The following DNAH8 variants were observed in gnomAD, a reference collection of about 807,000 sequenced individuals.
DNAH8 encodes the protein dynein axonemal heavy chain 8, also known as axonemal beta dynein heavy chain 8.
Under a neutral mutation model 562.1 loss-of-function variants are expected in DNAH8, and 382 were observed. The observed-to-expected ratio is 0.68, with a 90% confidence interval of 0.63 to 0.74. The LOEUF (loss-of-function observed/expected upper bound fraction) is 0.74, where lower values mean the gene tolerates loss of function less well. Among genes scored for constraint, DNAH8 ranks in the 30% least tolerant of loss-of-function variants. The probability of loss-of-function intolerance (pLI) is 0.00; values close to 1 mark genes in which losing one functional copy is unlikely to be tolerated. For synonymous variants in DNAH8, 1,881 were observed against 1,919.4 expected, an observed-to-expected ratio of 0.98 and a Z score of 0.52; for missense variants, 5,203 against 5,620.4, an observed-to-expected ratio of 0.93 and a Z score of 2.37.
At position 38,791,658 on chromosome 6, in the gene DNAH8, T is replaced by C. The variant is rs1251689327; in HGVS notation, c.2885T>C (p.Met962Thr). 2 of 1,613,808 alleles carry C rather than the reference T, an allele frequency of 1.2e-6. No individual in the cohort carries two copies. Among genetic ancestry groups the C allele is most frequent in the Middle Eastern group, 1.7e-4 (1 of 6,060 alleles). ...AGTGGTGCTACCAAAGTAGAAGATA[T>C]GTTGACCCTCAATGAGGTATGCATT... ...PESGATKVED[M>T]LTLNETYTKE... The change falls in exon 21 of 93, where the codon ATG becomes ACG. Residue 962 changes from methionine (M) to threonine (T), a missense_variant. Met to Thr is a moderately conservative substitution (Grantham distance 81). Transcript: ENST00000327475.
intron 14 of DNAH8, among the ~76,000 whole-genome samples, chr6:38,778,954 C>T (rs2038201): frequency 0.12 from 18,526 of 152,190 alleles, 1,387 homozygotes; most frequent in Admixed American, 0.22. Flanking sequence ...GTTGCTACAA[C>T]CAAGCCAGAT....
intron 71 of DNAH8, 140 bp from the exon 72 acceptor site, chr6:38,922,918 T>G (rs955179853): frequency 4.9e-6 from 4 of 815,638 alleles, no homozygotes; most frequent in Non-Finnish European, 7.4e-6. Context: ...ATGTGAAGTT[T>G]CAATGCACAC....
intron 82 of DNAH8, among the ~76,000 whole-genome samples, chr6:38,969,546 G>A (rs922294605): frequency 6.6e-6 from 1 of 152,156 alleles, no homozygotes; most frequent in African/African-American, 2.4e-5. Context: ...CGTCAGGAAA[G>A]TCTTGCTGAC....
chr6:38,883,149 T>G lies in DNAH8; in HGVS notation c.8001+97T>G, dbSNP rs968251444. 2.9e-6 allele frequency: 4 copies of G among 1,362,978 alleles called. No homozygotes were observed. In the African/African-American group the frequency reaches 5.9e-5, roughly 20 times the overall value. 84.4% of individuals were successfully genotyped at this position (1,362,978 alleles called of 1,614,324 possible). A position where few individuals can be genotyped will look rare whatever the true frequency, so the allele number is the denominator to read the frequency against. On this transcript the variant is annotated intron_variant, in intron 54 of 92. Transcript: ENST00000327475. ...CTTCCAGCACTTTTATAGTACACAT[T>G]TTACATTTAAATCTGTAATACAACT...
rs1283530435 is a variant in DNAH8 at position 38,822,994 on chromosome 6, A to G, written c.3680A>G (p.Tyr1227Cys). The stretch of plus-strand genomic sequence containing the variant: ...GAGGCCCTGCAGGACTTTCAGAAGT[A>G]CAAGACTCTCTGGACAGAGGACCGC... ...AHEALQDFQK[Y>C]KTLWTEDRDV... is the part of the protein sequence containing the mutation. Residue 1227 changes from tyrosine to cysteine, a missense_variant, in exon 27 of 93, where the codon TAC (tyrosine) becomes TGC (cysteine). This residue lies in a region of DNAH8 where 2,176 missense variants were observed against 2,365.1 expected (regional missense o/e 0.92). Transcript: ENST00000327475. 3 of 1,607,932 alleles carry G rather than the reference A, an allele frequency of 1.9e-6. No homozygotes were observed. The highest frequency in any genetic ancestry group is 1.7e-6 in the Non-Finnish European group (2 of 1,178,452).
chr6:38,767,746 C>T (rs1414029473), intron 11 of DNAH8, among the ~76,000 whole-genome samples: 6 of 152,274 alleles, frequency 3.9e-5, no homozygotes, highest in South Asian at 2.1e-4. Flanking sequence ...GTGAATAATG[C>T]GGCTATGAAC....
At chr6:39,028,304 GAGATC>G (rs2150804316) in intron 92 of DNAH8, among the ~76,000 whole-genome samples, 2 of 152,288 alleles carry the variant, frequency 1.3e-5, no homozygotes, top group African/African-American at 4.8e-5. Flanking sequence ...AAAAACAACA[GAGATC>G]TATTCTCTCA....
intron 26 of DNAH8, 68 bp downstream of exon 26, chr6:38,815,725 A>T: frequency 1.5e-6 from 2 of 1,344,262 alleles, no homozygotes; most frequent in South Asian, 1.5e-5. Context: ...TAGATTTTTA[A>T]ATTATTTTAT....
At chr6:39,012,733 G>A (rs1766304670) in intron 91 of DNAH8, 96 bp downstream of exon 91, 2 of 917,696 alleles carry the variant, frequency 2.2e-6, no homozygotes, top group Non-Finnish European at 3.5e-6. Flanking sequence ...ACAATATGGA[G>A]GCGTAGCTTG....
chr6:38,784,324 T>G (rs923910847), intron 17 of DNAH8, among the ~76,000 whole-genome samples: 13 of 152,198 alleles, frequency 8.5e-5, no homozygotes, highest in Non-Finnish European at 1.9e-4. Context: ...TATACTGGTT[T>G]TGTTTTGGTT....
chr6:38,828,229 G>C lies in DNAH8; in HGVS notation c.4129G>C (p.Glu1377Gln). ...LNRFEVEVTK[E>Q]ESEAVDTLRY... The stretch of plus-strand genomic sequence containing the variant: ...CAGATTTGAAGTTGAAGTAACCAAA[G>C]AAGAATCAGAAGCAGTTGATACCTT... Residue 1377 changes from glutamate to glutamine, a missense_variant, in exon 30 of 93, where the codon GAA (glutamate) becomes CAA (glutamine). Coordinates refer to ENST00000327475, the MANE Select transcript of DNAH8 (RefSeq NM_001206927.2). 6.3e-7 allele frequency: 1 copy of C among 1,595,952 alleles called. No homozygotes were observed. Among genetic ancestry groups the C allele is most frequent in the Non-Finnish European group, 8.5e-7 (1 of 1,172,934 alleles).
At position 38,717,738 on chromosome 6, in the gene DNAH8, T is replaced by C. The variant is rs141636456; in HGVS notation, c.-35+2323T>C. On this transcript the variant is annotated intron_variant, in intron 1 of 92. Coordinates refer to ENST00000327475, the MANE Select transcript of DNAH8 (RefSeq NM_001206927.2). The stretch of plus-strand genomic sequence containing the variant: ...TTCTTTCACTCAGAGTGATTCTTAT[T>C]AATAATTTATTGTGTATTCTCCCTA... Among the ~76,000 whole-genome samples the C allele has an allele frequency of 3.2e-3, 484 of 152,182 alleles. 4 individuals carry two copies. Among genetic ancestry groups the C allele is most frequent in the African/African-American group, 0.01 (436 of 41,544 alleles).
At chr6:38,898,474 A>C in intron 61 of DNAH8, 94 bp downstream of exon 61, 1 of 1,089,666 alleles carries the variant, frequency 9.2e-7, no homozygotes, top group Non-Finnish European at 1.3e-6. Context: ...ACTATATACT[A>C]TCAGGTACCG....
intron 66 of DNAH8, among the ~76,000 whole-genome samples, chr6:38,912,679 G>A (rs1382156609): frequency 6.6e-6 from 1 of 152,060 alleles, no homozygotes; most frequent in Non-Finnish European, 1.5e-5. Flanking sequence ...AAATTTTTAG[G>A]AATTTTGTGA....
At position 38,938,219 on chromosome 6, in the gene DNAH8, A is replaced by C. The variant is rs770949705; in HGVS notation, c.11809A>C (p.Met3937Leu). The C allele has an allele frequency of 8.7e-6, 14 of 1,609,576 alleles. No homozygotes were observed. The highest frequency in any genetic ancestry group is 1.2e-5 in the Non-Finnish European group (14 of 1,177,498). ...GTTCTTGAAGTTATTTGACCAGTCC[A>C]TGGCCAGGTGAGTCCTCACTACCTT... ...AQFLKLFDQS[M>L]ARSEKSPLPQ... Residue 3937 changes from methionine to leucine, a missense_variant, in exon 78 of 93, where the codon ATG becomes CTG. This residue lies in a region of DNAH8 where 1,399 missense variants were observed against 1,518.4 expected (regional missense o/e 0.92). Transcript: ENST00000327475.
chr6:38,917,528 T>A, intron 69 of DNAH8, 122 bp downstream of exon 69: 1 of 810,132 alleles, frequency 1.2e-6, no homozygotes. Context: ...GAAAAGTTTA[T>A]CTTAAACTCC....
intron 26 of DNAH8, among the ~76,000 whole-genome samples, chr6:38,822,131 A>T (rs1389620362): frequency 6.6e-6 from 1 of 152,192 alleles, no homozygotes; most frequent in South Asian, 2.1e-4. Flanking sequence ...GAATATGCAT[A>T]TAGTGATTCT....
chr6:38,831,430 C>CAAAAAAAAAAAA (rs67322321), intron 30 of DNAH8, among the ~76,000 whole-genome samples: 22 of 88,958 alleles, frequency 2.5e-4, no homozygotes, highest in Non-Finnish European at 3.6e-4. Context: ...GACACCATCT[C>CAAAAAAAAAAAA]AAAAAAAAAA....
chr6:38,732,008 A>G (rs1045832413), intron 4 of DNAH8, among the ~76,000 whole-genome samples: 5 of 152,080 alleles, frequency 3.3e-5, no homozygotes, highest in Non-Finnish European at 5.9e-5. Flanking sequence ...GAGCCACCAC[A>G]CCCAGCCTAC....
Sources: allele counts gnomAD v4.1 joint callset (sites outside exome capture counted in the v4.1 genomes callset), GRCh38; gene constraint gnomAD v4.1.1; regional missense constraint gnomAD v4.1.1; transcripts MANE v1.5; gene names NCBI Gene and HGNC (gene_info 2026-07-23, HGNC 2026-07-21).